The following GFPT1 variants were observed in gnomAD, a reference collection of about 807,000 sequenced individuals.
GFPT1 encodes glutamine--fructose-6-phosphate aminotransferase [isomerizing] 1.
GFPT1 carries 40 observed loss-of-function variants against 92.0 expected under a neutral mutation model. That is an observed-to-expected ratio of 0.43 (90% CI 0.34 to 0.57). GFPT1 has a LOEUF of 0.57. Ranked by LOEUF, GFPT1 falls within the 20% of genes least tolerant of loss-of-function variation. The pLI, the probability that GFPT1 is intolerant of heterozygous loss-of-function variation, is 0.02. For synonymous variants in GFPT1, 269 were observed against 280.6 expected (o/e 0.96, Z 0.41); for missense variants, 448 against 869.1 (o/e 0.52, Z 6.09).
At chr2:69,337,413 A>G (rs1279364882) in intron 15 of GFPT1, among the ~76,000 whole-genome samples, 1 of 152,140 alleles carries the variant, frequency 6.6e-6, no homozygotes, top group Non-Finnish European at 1.5e-5. Flanking sequence ...AAACTTTCAG[A>G]GGTAGTATGT....
intron 15 of GFPT1, among the ~76,000 whole-genome samples, chr2:69,334,292 T>C (rs551085293): frequency 2.1e-3 from 326 of 152,276 alleles, no homozygotes; most frequent in African/African-American, 7.7e-3. Context: ...CCAAAATGTC[T>C]AAGACATTTG....
In GFPT1 at chr2:69,323,723, T is replaced by TG. The variant is rs1294564480; in HGVS notation, c.*2465dup. 6.6e-6 allele frequency: 1 copy of TG among 151,020 alleles called. No homozygotes were observed. Among genetic ancestry groups the TG allele is most frequent in the Non-Finnish European group, 1.5e-5 (1 of 67,898 alleles). 9.4% of individuals were successfully genotyped at this position (151,020 alleles called of 1,614,324 possible). A position where few individuals can be genotyped will look rare whatever the true frequency, so the allele number is the denominator to read the frequency against. On this transcript the variant is annotated 3_prime_UTR_variant, in exon 20 of 20. Coordinates refer to ENST00000357308, the MANE Select transcript of GFPT1 (RefSeq NM_001244710.2). ...AGAGAGTCTTGCTCTGTCGCCAGGC[T>TG]GGAGTGTAGTGGCGTGATCTCGCCT...
At chr2:69,326,653 T>C (rs551125782) in intron 19 of GFPT1, among the ~76,000 whole-genome samples, 2 of 152,138 alleles carry the variant, frequency 1.3e-5, no homozygotes, top group African/African-American at 2.4e-5. Flanking sequence ...TGTTAAGAGA[T>C]AGAGGTTATA....
intron 9 of GFPT1, among the ~76,000 whole-genome samples, chr2:69,352,010 C>T (rs1259951667): frequency 6.6e-6 from 1 of 152,060 alleles, no homozygotes; most frequent in East Asian, 1.9e-4. Flanking sequence ...GCTTTTAATC[C>T]CAGCACTTTG....
At position 69,329,733 on chromosome 2, in the gene GFPT1, G is replaced by A. The variant is rs761730305; in HGVS notation, c.1548C>T (p.Ser516=). ...TGATCTCTTTGCGTCTTTCTTGCAT[G>A]GAGATCCGATCATCACACATCATAA... The part of the protein sequence containing the change: ...FALMMCDDRI[S]MQERRKEIML... The change falls in exon 16 of 20, where the codon TCC becomes TCT. Residue 516 remains serine (S), a synonymous_variant. Coordinates refer to ENST00000357308, the MANE Select transcript of GFPT1 (RefSeq NM_001244710.2). 4 of 1,613,434 alleles carry A rather than the reference G, an allele frequency of 2.5e-6. No individual in the cohort carries two copies. The highest frequency in any genetic ancestry group is 2.5e-6 in the Non-Finnish European group (3 of 1,179,414).
At chr2:69,339,852 A>G (rs1357674956) in intron 13 of GFPT1, among the ~76,000 whole-genome samples, 1 of 152,092 alleles carries the variant, frequency 6.6e-6, no homozygotes, top group Non-Finnish European at 1.5e-5. Context: ...AAATGCTCCT[A>G]TTTTTTATTA....
At position 69,325,979 on chromosome 2, in the gene GFPT1, T is replaced by C. The variant is rs946940638; in HGVS notation, c.*210A>G. 4 of 534,796 alleles carry C rather than the reference T, an allele frequency of 7.5e-6. No individual in the cohort carries two copies. In the African/African-American group the frequency reaches 7.6e-5, roughly 10 times the overall value. The allele number at this position is 534,796 out of a possible 1,614,324, so 33.1% of individuals were successfully genotyped here. On this transcript the variant is annotated 3_prime_UTR_variant, in exon 20 of 20. Transcript: ENST00000357308. The stretch of plus-strand genomic sequence containing the variant: ...GATACAGATTCCAATATAGATTCCA[T>C]TATTCAAAGTCCTCCACAAATTACT...
intron 2 of GFPT1, 129 bp from the exon 3 acceptor site, chr2:69,370,237 T>C: frequency 1.4e-6 from 1 of 693,192 alleles, no homozygotes; most frequent in Non-Finnish European, 2.6e-6. Flanking sequence ...TTAATTCAAT[T>C]ACCTACTGAA....
At chr2:69,378,972 G>A (rs989390758) in intron 1 of GFPT1, among the ~76,000 whole-genome samples, 2 of 152,094 alleles carry the variant, frequency 1.3e-5, no homozygotes, top group African/African-American at 4.8e-5. Flanking sequence ...AGTAGGCCAG[G>A]AGCAGTGGCT....
intron 18 of GFPT1, among the ~76,000 whole-genome samples, chr2:69,327,865 G>A (rs1432138105): frequency 1.3e-5 from 2 of 151,994 alleles, no homozygotes; most frequent in Non-Finnish European, 2.9e-5. Flanking sequence ...AACTTTGGGG[G>A]GTTGAGGCAG....
intron 12 of GFPT1, among the ~76,000 whole-genome samples, chr2:69,343,209 A>G (rs1230223286): frequency 6.6e-6 from 1 of 152,176 alleles, no homozygotes; most frequent in Non-Finnish European, 1.5e-5. Context: ...ATTCTCATTC[A>G]ACATTCATTC....
intron 9 of GFPT1, 23 bp downstream of exon 9, chr2:69,354,236 T>C: frequency 6.6e-7 from 1 of 1,521,984 alleles, no homozygotes; most frequent in Non-Finnish European, 9.0e-7. Context: ...ATCCTCCCCA[T>C]CCATGCAGAG....
rs893237690 is a variant in GFPT1 at position 69,323,631 on chromosome 2, T to C, written c.*2558A>G. The stretch of plus-strand genomic sequence containing the variant: ...CTACTACTTAAGCCTCCCAAGTTGC[T>C]GAGACTACAGGCACAAGCCACCATG... On this transcript the variant is annotated 3_prime_UTR_variant, in exon 20 of 20. Coordinates refer to ENST00000357308, the MANE Select transcript of GFPT1 (RefSeq NM_001244710.2). The C allele has an allele frequency of 6.6e-6, 1 of 151,696 alleles. No homozygotes were observed. Among genetic ancestry groups the C allele is most frequent in the African/African-American group, 2.4e-5 (1 of 41,264 alleles). The allele number at this position is 151,696 out of a possible 1,614,324, so 9.4% of individuals were successfully genotyped here.
At position 69,346,244 on chromosome 2, in the gene GFPT1, C is replaced by CT. The variant is rs927368693; in HGVS notation, c.1010-246dup. 2.0e-3 allele frequency among the ~76,000 whole-genome samples: 288 copies of CT among 145,548 alleles called. 1 individual carries two copies. The highest frequency in any genetic ancestry group is 5.0e-3 in the African/African-American group (198 of 39,924). ...AGTTACAACAAGTGAATGAGACAAGCTTTTTTTTTTTTGAGACGGAGTCTT... is the reference window on the plus strand; with the variant it reads ...AGTTACAACAAGTGAATGAGACAAGCTTTTTTTTTTTTTGAGACGGAGTCTT... On this transcript the variant is annotated intron_variant, in intron 11 of 19. Transcript: ENST00000357308.
chr2:69,333,764 C>T (rs1436236638), intron 15 of GFPT1, among the ~76,000 whole-genome samples: 1 of 152,180 alleles, frequency 6.6e-6, no homozygotes, highest in African/African-American at 2.4e-5. Flanking sequence ...AGTAAGATCC[C>T]TCTAATCCTG....
Position 69,387,075 on chromosome 2 carries a change from G to A in GFPT1, c.-4C>T. The A allele has an allele frequency of 6.5e-7, 1 of 1,537,708 alleles. No homozygotes were observed. Among genetic ancestry groups the A allele is most frequent in the Non-Finnish European group, 8.7e-7 (1 of 1,146,650 alleles). ...TCCCGGCCCCCTTACCACACATGAT[G>A]CCGGAGACACGGCCCGCGAGGCCAG... On this transcript the variant is annotated 5_prime_UTR_variant, in exon 1 of 20. Transcript: ENST00000357308.
Position 69,325,657 on chromosome 2 carries a change from T to C in GFPT1, c.*532A>G, listed in dbSNP as rs1367666574. ...TTAGATATAAATCCTACCAATAAAA[T>C]TTTTCAGTTTTAAGTTTTACAGTTT... On this transcript the variant is annotated 3_prime_UTR_variant, in exon 20 of 20. Coordinates refer to ENST00000357308, the MANE Select transcript of GFPT1 (RefSeq NM_001244710.2). 6.6e-6 allele frequency: 1 copy of C among 152,472 alleles called. No homozygotes were observed. The highest frequency in any genetic ancestry group is 2.4e-5 in the African/African-American group (1 of 41,430). The allele number at this position is 152,472 out of a possible 1,614,324, so 9.4% of individuals were successfully genotyped here. A position where few individuals can be genotyped will look rare whatever the true frequency, so the allele number is the denominator to read the frequency against.
chr2:69,346,920 T>C (rs1258150737), intron 11 of GFPT1, among the ~76,000 whole-genome samples: 1 of 150,986 alleles, frequency 6.6e-6, no homozygotes, highest in Non-Finnish European at 1.5e-5. Context: ...TTTTGTTTTG[T>C]TTTGTTTGAG....
chr2:69,379,141 A>C (rs185155929), intron 1 of GFPT1, among the ~76,000 whole-genome samples: 2 of 152,168 alleles, frequency 1.3e-5, no homozygotes, highest in Non-Finnish European at 2.9e-5. Context: ...AATTGTGAAA[A>C]TCTCTCCTTT....
Sources: allele counts gnomAD v4.1 joint callset (sites outside exome capture counted in the v4.1 genomes callset), GRCh38; gene constraint gnomAD v4.1.1; transcripts MANE v1.5; gene names NCBI Gene and HGNC (gene_info 2026-07-23, HGNC 2026-07-21).